The following ZDHHC2 variants were observed in gnomAD, a reference collection of about 807,000 sequenced individuals.
ZDHHC2 encodes the protein zDHHC palmitoyltransferase 2, also known as palmitoyltransferase ZDHHC2.
Under a neutral mutation model 55.6 loss-of-function variants are expected in ZDHHC2, and 51 were observed. That is an observed-to-expected ratio of 0.92 (90% confidence interval 0.73 to 1.16). ZDHHC2 has a LOEUF of 1.16. Among genes scored for constraint, ZDHHC2 ranks in the 50% most tolerant of loss-of-function variants. The probability of loss-of-function intolerance (pLI) is 0.00; values close to 1 mark genes in which losing one functional copy is unlikely to be tolerated. For missense variants in ZDHHC2, 491 were observed against 442.4 expected, an observed-to-expected ratio of 1.11 and a Z score of -0.99; for synonymous variants, 199 against 152.9, an observed-to-expected ratio of 1.30 and a Z score of -2.22.
rs1808049420 is a variant in ZDHHC2, at chr8:17,224,603, A to G, written c.*4382A>G. ...AAAGGTGCTTAATCAATTGAAAAAA[A>G]AACGCATAATGCTTCAAGGTAAAAT... On this transcript the variant is annotated 3_prime_UTR_variant, in exon 13 of 13. Coordinates refer to ENST00000262096, the MANE Select transcript of ZDHHC2 (RefSeq NM_016353.5). The G allele has an allele frequency of 6.6e-6, 1 of 151,746 alleles. No individual in the cohort carries two copies. The highest frequency in any genetic ancestry group is 1.5e-5 in the Non-Finnish European group (1 of 67,696). 9.4% of individuals were successfully genotyped at this position (151,746 alleles called of 1,614,324 possible). A position where few individuals can be genotyped will look rare whatever the true frequency, so the allele number is the denominator to read the frequency against.
chr8:17,198,328 T>A, intron 5 of ZDHHC2, 53 bp from the exon 6 acceptor site: 9 of 1,476,500 alleles, frequency 6.1e-6, no homozygotes, highest in Non-Finnish European at 8.2e-6. Context: ...TATAATTTAA[T>A]ATGATTAAAA....
intron 5 of ZDHHC2, among the ~76,000 whole-genome samples, chr8:17,198,166 A>G (rs1453521211): frequency 1.2e-4 from 18 of 152,172 alleles, no homozygotes; most frequent in Non-Finnish European, 5.9e-5. Context: ...TTAAGCATGT[A>G]TATTTTGAAT....
chr8:17,171,181 T>A (rs1248652346), intron 1 of ZDHHC2, among the ~76,000 whole-genome samples: 1 of 152,186 alleles, frequency 6.6e-6, no homozygotes, highest in African/African-American at 2.4e-5. Context: ...TTGTAGGAAC[T>A]TGGAGTTGAG....
At chr8:17,208,914 A>T (rs1807236660) in intron 8 of ZDHHC2, among the ~76,000 whole-genome samples, 1 of 152,154 alleles carries the variant, frequency 6.6e-6, no homozygotes, top group Non-Finnish European at 1.5e-5. Context: ...ATGTTTTAGA[A>T]AAAGCTATGT....
At chr8:17,211,924 C>G (rs1001399472) in intron 10 of ZDHHC2, among the ~76,000 whole-genome samples, 5 of 152,028 alleles carry the variant, frequency 3.3e-5, no homozygotes, top group Admixed American at 6.6e-5. Flanking sequence ...CAAGCTTTTA[C>G]AAAATTCAGT....
chr8:17,221,898 C>T lies in ZDHHC2; in HGVS notation c.*1677C>T, dbSNP rs1335617394. ...TTTAAAAATACCTAAAGTGCCAGAC[C>T]GGAACCTATAGCTACTGCTAGAAGT... On this transcript the variant is annotated 3_prime_UTR_variant, in exon 13 of 13. Coordinates refer to ENST00000262096, the MANE Select transcript of ZDHHC2 (RefSeq NM_016353.5). 6.6e-6 allele frequency: 1 copy of T among 150,634 alleles called. No homozygotes were observed. Among genetic ancestry groups the T allele is most frequent in the African/African-American group, 2.5e-5 (1 of 40,510 alleles). The allele number at this position is 150,634 out of a possible 1,614,324, so 9.3% of individuals were successfully genotyped here.
intron 11 of ZDHHC2, among the ~76,000 whole-genome samples, chr8:17,215,704 C>G (rs573612640): frequency 7.9e-5 from 12 of 152,226 alleles, no homozygotes; most frequent in African/African-American, 2.6e-4. Flanking sequence ...TGAAAAGGAC[C>G]TTAAATTATT....
rs1805160798 is a variant in ZDHHC2, at chr8:17,176,878, T to C, written c.131-7911T>C. Among the ~76,000 whole-genome samples, 2 of 151,950 alleles carry C rather than the reference T, an allele frequency of 1.3e-5. 1 individual carries two copies. Among genetic ancestry groups the C allele is most frequent in the Admixed American group, 1.3e-4 (2 of 15,264 alleles). ...AAAAAATATAATATGTAAAAATATA[T>C]AAGTAGATAGGTTATAAAGAAAATA... is the stretch of plus-strand genomic sequence containing the variant. On this transcript the variant is annotated intron_variant, in intron 1 of 12. Coordinates refer to ENST00000262096, the MANE Select transcript of ZDHHC2 (RefSeq NM_016353.5).
chr8:17,209,869 A>G, intron 8 of ZDHHC2, 63 bp from the exon 9 acceptor site: 1 of 1,488,232 alleles, frequency 6.7e-7, no homozygotes, highest in Non-Finnish European at 9.0e-7. Context: ...TTATTGATAA[A>G]TATTCAGGAT....
At chr8:17,197,288 A>G (rs1482241381) in intron 4 of ZDHHC2, among the ~76,000 whole-genome samples, 1 of 152,184 alleles carries the variant, frequency 6.6e-6, no homozygotes, top group Non-Finnish European at 1.5e-5. Context: ...TATTTTGATT[A>G]ACATGGACAT....
At chr8:17,196,729 C>G (rs1187673024) in intron 4 of ZDHHC2, among the ~76,000 whole-genome samples, 1 of 151,686 alleles carries the variant, frequency 6.6e-6, no homozygotes, top group Admixed American at 6.6e-5. Flanking sequence ...ATGGTGAAAC[C>G]CCATCTCTAC....
intron 6 of ZDHHC2, among the ~76,000 whole-genome samples, chr8:17,199,577 T>TTCGTCTTCTTCGTCTTTG (rs1563161480): frequency 4.0e-4 from 17 of 41,996 alleles, no homozygotes; most frequent in Admixed American, 7.0e-4. Flanking sequence ...CGTCTTTGTC[T>TTCGTCTTCTTCGTCTTTG]TCTTCTTCTT....
intron 3 of ZDHHC2, among the ~76,000 whole-genome samples, chr8:17,194,912 T>C (rs1806228831): frequency 6.6e-6 from 1 of 152,194 alleles, no homozygotes; most frequent in African/African-American, 2.4e-5. Context: ...GTGTGGAAGA[T>C]ATGTATTTAT....
At chr8:17,191,500 TTCTCTA>T (rs1563155555) in intron 3 of ZDHHC2, among the ~76,000 whole-genome samples, 1 of 152,252 alleles carries the variant, frequency 6.6e-6, no homozygotes, top group Admixed American at 6.5e-5. Context: ...CATCCTTTTA[TTCTCTA>T]TCTCTATGAG....
At chr8:17,206,784 A>G (rs1448336714) in intron 7 of ZDHHC2, among the ~76,000 whole-genome samples, 2 of 152,210 alleles carry the variant, frequency 1.3e-5, no homozygotes, top group African/African-American at 4.8e-5. Flanking sequence ...ATCTGCTGCC[A>G]GGATTGATGT....
chr8:17,168,050 T>C (rs149435719), intron 1 of ZDHHC2, among the ~76,000 whole-genome samples: 1 of 152,192 alleles, frequency 6.6e-6, no homozygotes, highest in Admixed American at 6.5e-5. Context: ...TAGAGTATAC[T>C]GAATATAATT....
At chr8:17,181,419 G>A (rs974192412) in intron 1 of ZDHHC2, among the ~76,000 whole-genome samples, 27 of 152,154 alleles carry the variant, frequency 1.8e-4, no homozygotes, top group African/African-American at 6.0e-4. Flanking sequence ...TGTGCTATTC[G>A]TCGTGACTTT....
At chr8:17,197,096 A>AAT in intron 4 of ZDHHC2, among the ~76,000 whole-genome samples, 1 of 152,174 alleles carries the variant, frequency 6.6e-6, no homozygotes, top group East Asian at 1.9e-4. Context: ...TGTAAGGCTA[A>AAT]ACAAACACTG....
intron 8 of ZDHHC2, among the ~76,000 whole-genome samples, chr8:17,209,297 G>GA (rs1807257921): frequency 6.6e-6 from 1 of 152,004 alleles, no homozygotes; most frequent in East Asian, 1.9e-4. Context: ...TAGTCAGCTG[G>GA]AAAAATTTTA....
Sources: allele counts gnomAD v4.1 joint callset (sites outside exome capture counted in the v4.1 genomes callset), GRCh38; gene constraint gnomAD v4.1.1; transcripts MANE v1.5; gene names NCBI Gene and HGNC (gene_info 2026-07-23, HGNC 2026-07-21).